ROBO2: variants seen among roughly 807,000 people sequenced by gnomAD.
ROBO2 encodes roundabout guidance receptor 2.
In ROBO2, 53 loss-of-function variants were observed where a neutral mutation model predicts 160.8. The observed-to-expected ratio is 0.33, with a 90% confidence interval of 0.26 to 0.41. The LOEUF is 0.41. Ranked by LOEUF, ROBO2 falls within the 10% of genes least tolerant of loss-of-function variation. ROBO2 has a pLI of 1.00. For synonymous variants in ROBO2, 664 were observed against 611.7 expected, an observed-to-expected ratio of 1.09 and a Z score of -1.26; for missense variants, 1,577 against 1,722.4, an observed-to-expected ratio of 0.92 and a Z score of 1.49.
At chr3:76,487,599 C>T (rs1033785885) in intron 2 of ROBO2, among the ~76,000 whole-genome samples, 3 of 152,098 alleles carry the variant, frequency 2.0e-5, no homozygotes, top group Non-Finnish European at 2.9e-5. Context: ...TTCTCTCTGA[C>T]TCATATTATC....
At chr3:76,310,610 A>G (rs2071533840) in intron 2 of ROBO2, among the ~76,000 whole-genome samples, 1 of 152,214 alleles carries the variant, frequency 6.6e-6, no homozygotes, top group Non-Finnish European at 1.5e-5. Context: ...GAGGTGAAGT[A>G]AAGGAAAAAT....
At chr3:76,974,927 C>G (rs1001442108) in intron 2 of ROBO2, among the ~76,000 whole-genome samples, 3 of 151,876 alleles carry the variant, frequency 2.0e-5, no homozygotes, top group Non-Finnish European at 4.4e-5. Flanking sequence ...CATAATAGCC[C>G]GTCCTCACTC....
At chr3:76,905,360 C>T (rs955952193) in intron 2 of ROBO2, among the ~76,000 whole-genome samples, 3 of 152,014 alleles carry the variant, frequency 2.0e-5, no homozygotes, top group Non-Finnish European at 4.4e-5. Context: ...GAAAAAAAGT[C>T]GGAAACTATC....
intron 2 of ROBO2, among the ~76,000 whole-genome samples, chr3:77,368,251 A>G (rs567636775): frequency 2.2e-3 from 106 of 48,384 alleles, no homozygotes; most frequent in African/African-American, 5.9e-3. Context: ...GGTCAAATAC[A>G]TTCATTTTTT....
At chr3:77,305,993 C>G (rs563167963) in intron 2 of ROBO2, among the ~76,000 whole-genome samples, 1 of 152,100 alleles carries the variant, frequency 6.6e-6, no homozygotes, top group South Asian at 2.1e-4. Context: ...AATAACAAAT[C>G]TAGAGACACA....
intron 2 of ROBO2, among the ~76,000 whole-genome samples, chr3:76,673,868 A>G (rs2092336241): frequency 2.0e-5 from 3 of 152,286 alleles, no homozygotes; most frequent in Middle Eastern, 3.4e-3. Flanking sequence ...GCATTCCCTT[A>G]ATCACCAGAA....
Position 77,200,317 on chromosome 3 carries a change from A to ATT in ROBO2, c.388+101978_388+101979insTT, listed in dbSNP as rs1215369321. On this transcript the variant is annotated intron_variant, in intron 2 of 25. Transcript: ENST00000461745. ...TATATATATATATATATATATATAT[A>ATT]TATATTTTAGTTTCTATAGGTAAAG... is the stretch of plus-strand genomic sequence containing the variant. 4.3e-4 allele frequency among the ~76,000 whole-genome samples: 30 copies of ATT among 69,348 alleles called. No individual in the cohort carries two copies. The East Asian group carries it at 8.4e-3, about 19-fold the overall frequency. The allele number at this position is 69,348 out of a possible 152,430, so 45.5% of individuals were successfully genotyped here.
rs114751881 is a variant in ROBO2 at position 77,237,802 on chromosome 3, A to G, written c.388+139462A>G. ...CATCATAAAAGTATGTTTAGTTTTG[A>G]AAGGAACTGCCAGACTGCCTTTCCA... On this transcript the variant is annotated intron_variant, in intron 2 of 25. Coordinates refer to ENST00000461745, the Ensembl canonical transcript of ROBO2. 1.6e-3 allele frequency among the ~76,000 whole-genome samples: 242 copies of G among 152,304 alleles called. 3 individuals are homozygous for G. The highest frequency in any genetic ancestry group is 5.5e-3 in the African/African-American group (227 of 41,566).
chr3:76,089,172 A>C (rs1378948100), intron 2 of ROBO2, among the ~76,000 whole-genome samples: 2 of 152,118 alleles, frequency 1.3e-5, no homozygotes, highest in Non-Finnish European at 2.9e-5. Flanking sequence ...ATATCCATTA[A>C]GGAAATTGAC....
intron 2 of ROBO2, among the ~76,000 whole-genome samples, chr3:76,775,272 T>C (rs1028955035): frequency 2.0e-5 from 3 of 150,858 alleles, no homozygotes; most frequent in South Asian, 2.1e-4. Context: ...CTTGAAGTTA[T>C]ATAATTACCT....
chr3:75,960,592 G>A (rs1948875461), intron 2 of ROBO2, among the ~76,000 whole-genome samples: 1 of 151,738 alleles, frequency 6.6e-6, no homozygotes, highest in South Asian at 2.1e-4. Flanking sequence ...AGCTAATAAG[G>A]TGGCTTTTAC....
At chr3:77,393,543 A>G (rs945865299) in intron 2 of ROBO2, among the ~76,000 whole-genome samples, 1 of 148,430 alleles carries the variant, frequency 6.7e-6, no homozygotes, top group African/African-American at 2.4e-5. Context: ...ATTAACTATT[A>G]TATTTTATAT....
chr3:76,882,086 TTGTGTGTGTGTGTG>T (rs10611502), intron 2 of ROBO2, among the ~76,000 whole-genome samples: 2 of 144,472 alleles, frequency 1.4e-5, no homozygotes, highest in South Asian at 2.3e-4. Context: ...CGTAGGTTGG[TTGTGTGTGTGTGTG>T]TGTGTGTGTG....
exon 26 of ROBO2, chr3:77,649,915 TG>T (rs2095437506): frequency 6.6e-6 from 1 of 152,140 alleles, no homozygotes; most frequent in Admixed American, 6.5e-5. Context: ...GTCAAAGAAT[TG>T]TGTATTGTGT....
At chr3:76,195,200 T>C (rs1702205517) in intron 2 of ROBO2, among the ~76,000 whole-genome samples, 1 of 152,200 alleles carries the variant, frequency 6.6e-6, no homozygotes, top group African/African-American at 2.4e-5. Context: ...ATTGGGGATA[T>C]TGGATTCGCT....
intron 2 of ROBO2, among the ~76,000 whole-genome samples, chr3:76,567,558 T>C (rs1427139245): frequency 7.0e-6 from 1 of 142,160 alleles, no homozygotes; most frequent in Non-Finnish European, 1.5e-5. Context: ...GGTTTCTTAC[T>C]GCTACATAGG....
intron 2 of ROBO2, among the ~76,000 whole-genome samples, chr3:76,667,462 T>C (rs898920238): frequency 6.6e-6 from 1 of 152,196 alleles, no homozygotes; most frequent in African/African-American, 2.4e-5. Flanking sequence ...GTTCTCTTGC[T>C]TTCTCTTCCT....
At chr3:75,958,590 G>T (rs1476945011) in intron 2 of ROBO2, among the ~76,000 whole-genome samples, 1 of 151,746 alleles carries the variant, frequency 6.6e-6, no homozygotes, top group East Asian at 1.9e-4. Flanking sequence ...TGATGCAGGA[G>T]GGGGCAGCTT....
intron 1 of ROBO2, among the ~76,000 whole-genome samples, chr3:75,911,348 C>A (rs887626544): frequency 6.6e-6 from 1 of 152,088 alleles, no homozygotes; most frequent in African/African-American, 2.4e-5. Context: ...AATGGTATAG[C>A]TTCTCTTTAC....
Sources: allele counts gnomAD v4.1 joint callset (sites outside exome capture counted in the v4.1 genomes callset), GRCh38; gene constraint gnomAD v4.1.1; transcripts MANE v1.5; gene names NCBI Gene and HGNC (gene_info 2026-07-23, HGNC 2026-07-21).